LRFN5: variants seen among roughly 807,000 people sequenced by gnomAD.
LRFN5 encodes the protein leucine-rich repeat and fibronectin type-III domain-containing protein 5.
LRFN5 carries 24 observed loss-of-function variants against 45.6 expected under a neutral mutation model. That is an observed-to-expected ratio of 0.53 (90% CI 0.38 to 0.74). The LOEUF (loss-of-function observed/expected upper bound fraction) is 0.74. LRFN5 is among the 30% of genes least tolerant of loss of function. The probability of loss-of-function intolerance (pLI) is 0.00; values close to 1 mark genes in which losing one functional copy is unlikely to be tolerated. For synonymous variants in LRFN5, 340 were observed against 313.8 expected (o/e 1.08, Z -0.88); for missense variants, 776 against 861.5 (o/e 0.90, Z 1.24).
At chr14:41,854,040 A>T (rs1387656712) in intron 2 of LRFN5, among the ~76,000 whole-genome samples, 1 of 152,166 alleles carries the variant, frequency 6.6e-6, no homozygotes, top group Non-Finnish European at 1.5e-5. Context: ...TAAGGTACAA[A>T]AGAGTAAAGT....
intron 1 of LRFN5, among the ~76,000 whole-genome samples, chr14:41,611,968 A>G (rs905442545): frequency 1.3e-5 from 2 of 152,140 alleles, no homozygotes; most frequent in Non-Finnish European, 2.9e-5. Flanking sequence ...GTATCTAGTT[A>G]TGGCATTGGT....
At chr14:41,755,990 G>T (rs7151155) in intron 1 of LRFN5, among the ~76,000 whole-genome samples, 1 of 152,102 alleles carries the variant, frequency 6.6e-6, no homozygotes, top group South Asian at 2.1e-4. Flanking sequence ...GCATTTGCTT[G>T]TCTGTAAAGT....
At chr14:41,679,735 C>T (rs924924528) in intron 1 of LRFN5, among the ~76,000 whole-genome samples, 5 of 151,972 alleles carry the variant, frequency 3.3e-5, no homozygotes, top group African/African-American at 9.7e-5. Context: ...AAGGAAAGGA[C>T]GAGTAAAGGG....
intron 2 of LRFN5, among the ~76,000 whole-genome samples, chr14:41,816,738 C>T (rs932478258): frequency 6.6e-5 from 10 of 151,940 alleles, no homozygotes; most frequent in African/African-American, 1.9e-4. Flanking sequence ...AAATGATACA[C>T]CTAAGTATGG....
At chr14:41,832,356 C>G (rs536134400) in intron 2 of LRFN5, among the ~76,000 whole-genome samples, 23 of 152,254 alleles carry the variant, frequency 1.5e-4, no homozygotes, top group Admixed American at 3.3e-4. Context: ...TTCCAGAATA[C>G]CTTTTATATA....
Position 41,829,974 on chromosome 14 carries a change from C to T in LRFN5, c.-20-56632C>T, listed in dbSNP as rs142893319. Among the ~76,000 whole-genome samples, 62 of 151,286 alleles carry T rather than the reference C, an allele frequency of 4.1e-4. No homozygotes were observed. The East Asian group carries it at 0.011, about 28-fold the overall frequency. On this transcript the variant is annotated intron_variant, in intron 2 of 5. Transcript: ENST00000298119. ...TTATCTCTAATTGTATTACTTAATA[C>T]ATAAATAAACTTACTATTTAGAGCT...
intron 2 of LRFN5, among the ~76,000 whole-genome samples, chr14:41,800,492 A>T (rs1467520889): frequency 1.3e-5 from 2 of 151,746 alleles, no homozygotes; most frequent in Non-Finnish European, 2.9e-5. Flanking sequence ...TTGTATGATT[A>T]TATTAAATAA....
intron 1 of LRFN5, among the ~76,000 whole-genome samples, chr14:41,671,604 A>ATTTTTTTTTTCCT (rs1566613117): frequency 2.2e-5 from 2 of 91,076 alleles, no homozygotes. Flanking sequence ...TGGAGGAGAG[A>ATTTTTTTTTTCCT]TTTTTTTTTT....
chr14:41,775,093 C>CTTTTTTTTTTTTTTTTTTTTTTTTTT (rs59438733), intron 2 of LRFN5, among the ~76,000 whole-genome samples: 1 of 112,492 alleles, frequency 8.9e-6, no homozygotes, highest in Non-Finnish European at 1.7e-5. Context: ...TTTTCTTTTT[C>CTTTTTTTTTTTTTTTTTTTTTTTTTT]TTTTTTTTTT....
At chr14:41,759,517 C>T (rs1470519613) in intron 1 of LRFN5, among the ~76,000 whole-genome samples, 1 of 147,570 alleles carries the variant, frequency 6.8e-6, no homozygotes, top group African/African-American at 2.5e-5. Context: ...CACCAGAAAA[C>T]AGCATTTTAT....
At chr14:41,801,075 T>C (rs747675183) in intron 2 of LRFN5, among the ~76,000 whole-genome samples, 1 of 152,138 alleles carries the variant, frequency 6.6e-6, no homozygotes, top group African/African-American at 2.4e-5. Flanking sequence ...TTTATATATG[T>C]ACATATTACA....
chr14:41,774,393 T>C (rs984730526), intron 2 of LRFN5, among the ~76,000 whole-genome samples: 3 of 152,178 alleles, frequency 2.0e-5, no homozygotes, highest in African/African-American at 7.2e-5. Context: ...AAACAGAATA[T>C]AGGAGCCTTT....
chr14:41,773,300 G>A (rs549624400), intron 2 of LRFN5, among the ~76,000 whole-genome samples: 1 of 152,192 alleles, frequency 6.6e-6, no homozygotes, highest in South Asian at 2.1e-4. Flanking sequence ...TCATTCAGTA[G>A]TCACTTTCTG....
intron 1 of LRFN5, among the ~76,000 whole-genome samples, chr14:41,718,556 A>T (rs190438469): frequency 6.6e-6 from 1 of 152,340 alleles, no homozygotes; most frequent in African/African-American, 2.4e-5. Context: ...CTTCACTTTT[A>T]GAATTTACAT....
intron 1 of LRFN5, among the ~76,000 whole-genome samples, chr14:41,689,881 C>T (rs1420633050): frequency 3.6e-5 from 4 of 111,526 alleles, no homozygotes; most frequent in African/African-American, 7.5e-5. Flanking sequence ...GGCCACAGAG[C>T]GAGACTCCGT....
rs1408007329 is a variant in LRFN5 at position 41,781,600 on chromosome 14, GAAAGAAAGAAAGAAAGAGAA to G, written c.-21+14573_-21+14592del. The stretch of plus-strand genomic sequence containing the variant: ...AGAAAGAAAGAAAGAAAGAAAGAAA[GAAAGAAAGAAAGAAAGAGAA>G]AGAAAGAAAGAAAGGAAAGAAAGAA... On this transcript the variant is annotated intron_variant, in intron 2 of 5. Transcript: ENST00000298119. Among the ~76,000 whole-genome samples, 112 of 82,808 alleles carry G rather than the reference GAAAGAAAGAAAGAAAGAGAA, an allele frequency of 1.4e-3. 1 individual carries two copies. Among genetic ancestry groups the G allele is most frequent in the African/African-American group, 4.3e-3 (80 of 18,482 alleles). 54.3% of individuals were successfully genotyped at this position (82,808 alleles called of 152,430 possible).
chr14:41,676,416 G>T (rs938534565), intron 1 of LRFN5, among the ~76,000 whole-genome samples: 1 of 152,220 alleles, frequency 6.6e-6, no homozygotes, highest in African/African-American at 2.4e-5. Flanking sequence ...CTTTGCAAAA[G>T]AGAGTGGAGA....
chr14:41,858,925 T>C (rs2139093137), intron 2 of LRFN5, among the ~76,000 whole-genome samples: 1 of 152,330 alleles, frequency 6.6e-6, no homozygotes, highest in Non-Finnish European at 1.5e-5. Context: ...ATGGTTCCCA[T>C]ACAAATCCTG....
chr14:41,870,803 T>C (rs770053401), intron 2 of LRFN5, among the ~76,000 whole-genome samples: 1 of 152,188 alleles, frequency 6.6e-6, no homozygotes, highest in Non-Finnish European at 1.5e-5. Flanking sequence ...CTCAATGGAA[T>C]AAGATTACAC....
Sources: allele counts gnomAD v4.1 joint callset (sites outside exome capture counted in the v4.1 genomes callset), GRCh38; gene constraint gnomAD v4.1.1; transcripts MANE v1.5; gene names NCBI Gene and HGNC (gene_info 2026-07-23, HGNC 2026-07-21).